RSPO2: variants seen among roughly 807,000 people sequenced by gnomAD.
RSPO2 encodes the protein R-spondin-2.
In RSPO2, 14 loss-of-function variants were observed where a neutral mutation model predicts 30.9. That is an observed-to-expected ratio of 0.45 (90% CI 0.30 to 0.71). RSPO2 has a LOEUF of 0.71. Ranked by LOEUF, RSPO2 falls within the 30% of genes least tolerant of loss-of-function variation. The probability of loss-of-function intolerance (pLI) is 0.08; values close to 1 mark genes in which losing one functional copy is unlikely to be tolerated. For synonymous variants in RSPO2, 107 were observed against 96.4 expected (o/e 1.11, Z -0.64); for missense variants, 264 against 301.9 (o/e 0.87, Z 0.93).
chr8:108,043,112 A>G (rs1458880103), intron 2 of RSPO2, among the ~76,000 whole-genome samples: 1 of 152,204 alleles, frequency 6.6e-6, no homozygotes, highest in East Asian at 1.9e-4. Context: ...AACTGCAAAC[A>G]GCCTCAGGCA....
chr8:107,979,655 C>T (rs1814353520), intron 3 of RSPO2, among the ~76,000 whole-genome samples: 1 of 151,860 alleles, frequency 6.6e-6, no homozygotes, highest in South Asian at 2.1e-4. Context: ...TGCACATGTA[C>T]CCTAAAACTT....
intron 2 of RSPO2, among the ~76,000 whole-genome samples, chr8:108,041,335 T>C (rs1304155373): frequency 6.6e-6 from 1 of 152,052 alleles, no homozygotes; most frequent in African/African-American, 2.4e-5. Flanking sequence ...GACATTTTTA[T>C]TTAATGTATG....
At chr8:108,064,259 G>C (rs1219591790) in intron 2 of RSPO2, among the ~76,000 whole-genome samples, 1 of 151,936 alleles carries the variant, frequency 6.6e-6, no homozygotes, top group East Asian at 1.9e-4. Context: ...CAGAATGGGA[G>C]AAAATTTTTG....
rs145036372 is a variant in RSPO2, at chr8:107,959,190, T to G, written c.428-922A>C. Among the ~76,000 whole-genome samples, 18 of 152,264 alleles carry G rather than the reference T, an allele frequency of 1.2e-4. No individual in the cohort carries two copies. In the East Asian group the frequency reaches 3.3e-3, roughly 28 times the overall value. Reference sequence around the variant, plus strand: ...GGGAGCTTGCTTTGCATTTTCTGATTTTTTCTGTTCTTTCAACAGGTTTCT... The same window carrying G: ...GGGAGCTTGCTTTGCATTTTCTGATGTTTTCTGTTCTTTCAACAGGTTTCT... On this transcript the variant is annotated intron_variant, in intron 4 of 5. Coordinates refer to ENST00000276659, the MANE Select transcript of RSPO2 (RefSeq NM_178565.5).
rs752576826 is a variant in RSPO2, at chr8:107,960,693, T to C, written c.408A>G (p.Glu136=). Residue 136 remains glutamate, a synonymous_variant, in exon 4 of 6, where the codon GAA becomes GAG. Coordinates refer to ENST00000276659, the MANE Select transcript of RSPO2 (RefSeq NM_178565.5). ...ACTCACCCACACATTCCATGGTTTC[T>C]TCTAATGGTGCAAAACCATCTGGAC... ...DECPDGFAPL[E]ETMECVEGCE... is the part of the protein sequence containing the mutation. 1 of 1,612,418 alleles carries C rather than the reference T, an allele frequency of 6.2e-7. No homozygotes were observed. Among genetic ancestry groups the C allele is most frequent in the South Asian group, 1.1e-5 (1 of 90,370 alleles).
chr8:108,075,039 C>T (rs1161902555), intron 2 of RSPO2, among the ~76,000 whole-genome samples: 1 of 152,116 alleles, frequency 6.6e-6, no homozygotes, highest in African/African-American at 2.4e-5. Context: ...TAAATTTTTT[C>T]CTGTACTTAT....
chr8:108,033,988 A>G (rs1383203967), intron 2 of RSPO2, among the ~76,000 whole-genome samples: 1 of 152,226 alleles, frequency 6.6e-6, no homozygotes, highest in Non-Finnish European at 1.5e-5. Flanking sequence ...ACTTTAGAAC[A>G]TGAAATCATG....
At chr8:108,031,455 C>T (rs1481688454) in intron 2 of RSPO2, among the ~76,000 whole-genome samples, 2 of 152,156 alleles carry the variant, frequency 1.3e-5, no homozygotes, top group Non-Finnish European at 2.9e-5. Flanking sequence ...ATCCCATGCA[C>T]TTTGAAAAAC....
chr8:108,082,463 C>A, intron 2 of RSPO2, 82 bp downstream of exon 2: 3 of 1,060,126 alleles, frequency 2.8e-6, no homozygotes, highest in African/African-American at 3.1e-5. Context: ...ACCATCTGAG[C>A]CCCCGGAGCC....
chr8:108,066,295 A>G (rs1022774968), intron 2 of RSPO2, among the ~76,000 whole-genome samples: 1 of 152,158 alleles, frequency 6.6e-6, no homozygotes, highest in Non-Finnish European at 1.5e-5. Flanking sequence ...TTTCCATCCA[A>G]TGAGCCTCAG....
At chr8:108,055,558 G>A (rs1389667446) in intron 2 of RSPO2, among the ~76,000 whole-genome samples, 1 of 152,116 alleles carries the variant, frequency 6.6e-6, no homozygotes, top group Non-Finnish European at 1.5e-5. Context: ...CCTACAAAAT[G>A]GCAGCCGACT....
In RSPO2 at chr8:107,958,005, G is replaced by A. The variant is rs889603480; in HGVS notation, c.616+75C>T. ...CCTTCAAAGATAAATACTTATTTTT[G>A]GAAGGGAAGGTGGTTAGGAAGCGGG... is the stretch of plus-strand genomic sequence containing the variant. On this transcript the variant is annotated intron_variant, in intron 5 of 5. Transcript: ENST00000276659. 10 of 973,488 alleles carry A rather than the reference G, an allele frequency of 1.0e-5. No individual in the cohort carries two copies. In the African/African-American group the frequency reaches 1.6e-4, roughly 16 times the overall value. 60.3% of individuals were successfully genotyped at this position (973,488 alleles called of 1,614,324 possible).
chr8:107,965,729 T>A (rs571374745), intron 3 of RSPO2, among the ~76,000 whole-genome samples: 104 of 152,220 alleles, frequency 6.8e-4, no homozygotes, highest in South Asian at 1.9e-3. Context: ...TAAATGAACA[T>A]GAATGCCATT....
rs1812994793 is a variant in RSPO2 at position 107,944,525 on chromosome 8, A to G, written c.616+13555T>C. On this transcript the variant is annotated intron_variant, in intron 5 of 5. Transcript: ENST00000276659. ...GGTCTTTTGAGAGGAAACACTGCAA[A>G]AATAATAGCTTAATCACCACAGTTC... 2.0e-5 allele frequency among the ~76,000 whole-genome samples: 3 copies of G among 152,176 alleles called. No homozygotes were observed. The South Asian group carries it at 6.2e-4, about 32-fold the overall frequency.
At chr8:108,026,710 T>TA (rs1485958393) in intron 2 of RSPO2, among the ~76,000 whole-genome samples, 1 of 151,772 alleles carries the variant, frequency 6.6e-6, no homozygotes, top group African/African-American at 2.4e-5. Context: ...CTACTAAAAA[T>TA]AAAAAATTAG....
chr8:107,920,886 A>C (rs933893984), intron 5 of RSPO2, among the ~76,000 whole-genome samples: 8 of 152,160 alleles, frequency 5.3e-5, no homozygotes, highest in African/African-American at 1.9e-4. Context: ...AAAATAATGA[A>C]GTGTTCACGT....
chr8:108,054,534 G>A (rs1006040319), intron 2 of RSPO2, among the ~76,000 whole-genome samples: 14 of 152,126 alleles, frequency 9.2e-5, no homozygotes, highest in Admixed American at 4.6e-4. Flanking sequence ...CTAACTCCAC[G>A]AGGGGTTGGG....
intron 2 of RSPO2, among the ~76,000 whole-genome samples, chr8:108,066,245 AG>A (rs1302536814): frequency 6.6e-6 from 1 of 152,076 alleles, no homozygotes; most frequent in African/African-American, 2.4e-5. Context: ...CTCCTCTCTA[AG>A]CCTTCCAGAG....
chr8:107,974,229 G>A (rs1563545878), intron 3 of RSPO2, among the ~76,000 whole-genome samples: 1 of 151,102 alleles, frequency 6.6e-6, no homozygotes, highest in Non-Finnish European at 1.5e-5. Context: ...GCTTATGCCA[G>A]TAATTCCAAC....
Sources: gnomAD v4.1 joint callset for allele counts (sites outside exome capture counted in the v4.1 genomes callset) on GRCh38, gnomAD v4.1.1 for gene constraint, MANE v1.5 for transcripts, NCBI Gene and HGNC (gene_info 2026-07-23, HGNC 2026-07-21) for gene names.